SGCZ: variants seen among roughly 807,000 people sequenced by gnomAD.
SGCZ encodes the protein sarcoglycan zeta.
SGCZ carries 40 observed loss-of-function variants against 41.3 expected under a neutral mutation model. That is an observed-to-expected ratio of 0.97 (90% confidence interval 0.75 to 1.26). The LOEUF (loss-of-function observed/expected upper bound fraction) is 1.26. Among genes scored for constraint, SGCZ ranks in the 50% most tolerant of loss-of-function variants. The pLI, the probability that SGCZ is intolerant of heterozygous loss-of-function variation, is 0.00. For missense variants in SGCZ, 552 were observed against 369.8 expected (o/e 1.49, Z -4.04); for synonymous variants, 206 against 137.5 (o/e 1.50, Z -3.49).
chr8:14,478,000 G>A (rs577935922), intron 2 of SGCZ, among the ~76,000 whole-genome samples: 2 of 152,286 alleles, frequency 1.3e-5, no homozygotes, highest in South Asian at 4.1e-4. Flanking sequence ...AGTAAGTGCA[G>A]AATAATTATG....
intron 1 of SGCZ, among the ~76,000 whole-genome samples, chr8:14,717,729 G>A (rs954542903): frequency 2.0e-5 from 3 of 152,096 alleles, no homozygotes; most frequent in African/African-American, 7.2e-5. Flanking sequence ...AAATGATACA[G>A]CCATTCTTAG....
chr8:15,135,410 C>T (rs959101085), intron 1 of SGCZ, among the ~76,000 whole-genome samples: 1 of 152,134 alleles, frequency 6.6e-6, no homozygotes, highest in African/African-American at 2.4e-5. Flanking sequence ...TGAAAAATGA[C>T]ATTCCATAAT....
intron 1 of SGCZ, among the ~76,000 whole-genome samples, chr8:15,218,594 C>T (rs769360306): frequency 6.6e-5 from 10 of 152,192 alleles, no homozygotes; most frequent in Non-Finnish European, 1.2e-4. Flanking sequence ...AACATGGCCA[C>T]CTACCAATAC....
Position 14,089,139 on chromosome 8 carries a change from G to A in SGCZ, c.*1304C>T, listed in dbSNP as rs960180263. On this transcript the variant is annotated 3_prime_UTR_variant, in exon 8 of 8. Transcript: ENST00000382080. ...AGTATTCTGGAGTTGTTTACTAAGA[G>A]GTCATATACAAAAATAAGCATTGGA... Among the ~76,000 whole-genome samples, 13 of 151,816 alleles carry A rather than the reference G, an allele frequency of 8.6e-5. No homozygotes were observed. Among genetic ancestry groups the A allele is most frequent in the African/African-American group, 3.1e-4 (13 of 41,382 alleles).
intron 4 of SGCZ, among the ~76,000 whole-genome samples, chr8:14,208,383 T>G (rs1265137402): frequency 6.6e-6 from 1 of 152,214 alleles, no homozygotes; most frequent in Non-Finnish European, 1.5e-5. Context: ...TTGGATTCTG[T>G]GTCAAGGTAA....
At chr8:14,621,107 C>T (rs1196221591) in intron 1 of SGCZ, among the ~76,000 whole-genome samples, 1 of 151,876 alleles carries the variant, frequency 6.6e-6, no homozygotes, top group Non-Finnish European at 1.5e-5. Flanking sequence ...TACTATGCAG[C>T]CATAAAAATG....
chr8:14,214,133 T>C (rs1178466096), intron 4 of SGCZ, among the ~76,000 whole-genome samples: 1 of 152,144 alleles, frequency 6.6e-6, no homozygotes, highest in African/African-American at 2.4e-5. Flanking sequence ...GCCCTTGATA[T>C]GATGTGATGA....
chr8:14,283,423 C>T (rs937616671), intron 3 of SGCZ, among the ~76,000 whole-genome samples: 1 of 152,154 alleles, frequency 6.6e-6, no homozygotes, highest in Non-Finnish European at 1.5e-5. Flanking sequence ...TCTCGTTCAA[C>T]AAATGTTCAT....
intron 7 of SGCZ, among the ~76,000 whole-genome samples, chr8:14,095,483 C>A (rs144506297): frequency 6.6e-6 from 1 of 151,638 alleles, no homozygotes; most frequent in East Asian, 1.9e-4. Flanking sequence ...GGTACCAGTA[C>A]CATGCTGTTT....
chr8:14,766,384 G>A (rs1451035636), intron 1 of SGCZ, among the ~76,000 whole-genome samples: 1 of 152,040 alleles, frequency 6.6e-6, no homozygotes, highest in South Asian at 2.1e-4. Context: ...TAACTCAAAA[G>A]AATTTGTTTA....
intron 1 of SGCZ, among the ~76,000 whole-genome samples, chr8:14,751,950 CA>C (rs34445154): frequency 6.7e-4 from 84 of 126,162 alleles, no homozygotes; most frequent in Admixed American, 1.7e-3. Context: ...CAAAAACAAA[CA>C]AAAAAAAAAA....
chr8:14,162,244 T>G (rs1235531910), intron 5 of SGCZ, among the ~76,000 whole-genome samples: 3 of 152,180 alleles, frequency 2.0e-5, no homozygotes, highest in African/African-American at 7.2e-5. Flanking sequence ...CCAAGAACTC[T>G]AGAATCTCCC....
At chr8:14,284,061 G>T (rs934640069) in intron 3 of SGCZ, among the ~76,000 whole-genome samples, 1 of 152,132 alleles carries the variant, frequency 6.6e-6, no homozygotes, top group Non-Finnish European at 1.5e-5. Context: ...TCAATAAGAT[G>T]TCTCTCCTTA....
chr8:14,568,908 T>A (rs1316211839), intron 1 of SGCZ, among the ~76,000 whole-genome samples: 2 of 152,166 alleles, frequency 1.3e-5, no homozygotes, highest in Non-Finnish European at 2.9e-5. Context: ...TGGAAACATA[T>A]TCAGGGGCAT....
intron 2 of SGCZ, among the ~76,000 whole-genome samples, chr8:14,542,273 T>C (rs901163874): frequency 2.6e-5 from 4 of 152,128 alleles, no homozygotes; most frequent in African/African-American, 9.7e-5. Flanking sequence ...CTTTCTAATA[T>C]CTTAACCCTC....
At chr8:15,129,707 CAAA>C (rs59401421) in intron 1 of SGCZ, among the ~76,000 whole-genome samples, 3 of 107,858 alleles carry the variant, frequency 2.8e-5, no homozygotes, top group South Asian at 3.3e-4. Flanking sequence ...GAAGCATTTG[CAAA>C]AAAAAAAAAA....
Position 15,160,575 on chromosome 8 carries a change from A to C in SGCZ, c.39+77010T>G, listed in dbSNP as rs117226375. Among the ~76,000 whole-genome samples the C allele has an allele frequency of 1.0e-3, 156 of 152,284 alleles. No individual in the cohort carries two copies. In the East Asian group the frequency reaches 0.028, roughly 27 times the overall value. On this transcript the variant is annotated intron_variant, in intron 1 of 7. Coordinates refer to ENST00000382080, the MANE Select transcript of SGCZ (RefSeq NM_139167.4). ...AAGTAGCCATGTGATTTATATATTC[A>C]ACATTTTTTTTCGGTTACCTATAGC...
chr8:14,657,063 C>T (rs929813811), intron 1 of SGCZ, among the ~76,000 whole-genome samples: 4 of 151,794 alleles, frequency 2.6e-5, no homozygotes, highest in South Asian at 4.2e-4. Context: ...AACTATTGTG[C>T]GTCACTCATT....
chr8:14,295,725 A>G (rs1800987527), intron 3 of SGCZ, among the ~76,000 whole-genome samples: 1 of 152,166 alleles, frequency 6.6e-6, no homozygotes, highest in Non-Finnish European at 1.5e-5. Flanking sequence ...TGCCTGAGGT[A>G]CTTTCCAAAT....
Sources: allele counts gnomAD v4.1 joint callset (sites outside exome capture counted in the v4.1 genomes callset), GRCh38; gene constraint gnomAD v4.1.1; transcripts MANE v1.5; gene names NCBI Gene and HGNC (gene_info 2026-07-23, HGNC 2026-07-21).